The following DCC variants were observed in gnomAD, a reference collection of about 807,000 sequenced individuals.
DCC encodes netrin receptor DCC.
Under a neutral mutation model 172.5 loss-of-function variants are expected in DCC, and 58 were observed. The ratio of observed to expected loss-of-function variants is 0.34; its 90% CI spans 0.27 to 0.42. The LOEUF is 0.42. Among genes scored for constraint, DCC ranks in the 10% least tolerant of loss-of-function variants. The pLI, the probability that DCC is intolerant of heterozygous loss-of-function variation, is 1.00. For synonymous variants in DCC, 709 were observed against 644.5 expected (o/e 1.10, Z -1.52); for missense variants, 1,740 against 1,791.0 (o/e 0.97, Z 0.51).
At chr18:52,584,250 C>G (rs560232276) in intron 1 of DCC, among the ~76,000 whole-genome samples, 1 of 152,314 alleles carries the variant, frequency 6.6e-6, no homozygotes, top group East Asian at 1.9e-4. Flanking sequence ...TCTAGCCCAG[C>G]ACTTTGGTCT....
chr18:53,416,287 T>C (rs1743464966), intron 21 of DCC, 131 bp downstream of exon 21: 1 of 735,702 alleles, frequency 1.4e-6, no homozygotes, highest in Non-Finnish European at 2.5e-6. Context: ...GCGTGACGAT[T>C]AATCTTGTTA....
chr18:53,139,282 A>G (rs747493372), intron 7 of DCC, among the ~76,000 whole-genome samples: 1 of 152,196 alleles, frequency 6.6e-6, no homozygotes, highest in African/African-American at 2.4e-5. Flanking sequence ...AGAATGTGCT[A>G]TTTATAATTA....
chr18:53,489,518 A>G (rs2045937742), intron 26 of DCC, among the ~76,000 whole-genome samples: 1 of 152,192 alleles, frequency 6.6e-6, no homozygotes, highest in African/African-American at 2.4e-5. Context: ...CATTTCATGA[A>G]TCTGGGTGGA....
intron 12 of DCC, among the ~76,000 whole-genome samples, chr18:53,263,557 G>A (rs914115584): frequency 6.6e-6 from 1 of 152,132 alleles, no homozygotes; most frequent in Non-Finnish European, 1.5e-5. Flanking sequence ...ATGAACAGAA[G>A]TAGTTATTAT....
intron 1 of DCC, among the ~76,000 whole-genome samples, chr18:52,729,810 C>CT (rs1195149061): frequency 6.6e-6 from 1 of 151,504 alleles, no homozygotes; most frequent in African/African-American, 2.4e-5. Flanking sequence ...AGAGGCAAAT[C>CT]TAAGGGTAGA....
chr18:52,526,661 C>T (rs2031990024), intron 1 of DCC, among the ~76,000 whole-genome samples: 1 of 152,020 alleles, frequency 6.6e-6, no homozygotes, highest in Admixed American at 6.6e-5. Flanking sequence ...TTTGTGTGAA[C>T]ATGTTTTGAA....
At chr18:52,366,808 T>A (rs1984881617) in intron 1 of DCC, among the ~76,000 whole-genome samples, 1 of 152,160 alleles carries the variant, frequency 6.6e-6, no homozygotes, top group Admixed American at 6.5e-5. Context: ...ACTCTCCACC[T>A]CCCCACCAGA....
chr18:52,749,295 A>G (rs1186130716), intron 1 of DCC, among the ~76,000 whole-genome samples: 1 of 152,182 alleles, frequency 6.6e-6, no homozygotes, highest in Non-Finnish European at 1.5e-5. Flanking sequence ...TCCATTCAGA[A>G]CCAGCAGCCC....
At chr18:53,206,664 T>G (rs1395905381) in intron 10 of DCC, among the ~76,000 whole-genome samples, 1 of 145,788 alleles carries the variant, frequency 6.9e-6, no homozygotes, top group Admixed American at 6.9e-5. Flanking sequence ...GTATACATAT[T>G]TATAATGCAT....
intron 1 of DCC, among the ~76,000 whole-genome samples, chr18:52,439,174 TTGTGTGTGTG>T (rs60983168): frequency 1.0e-4 from 15 of 144,852 alleles, no homozygotes; most frequent in Non-Finnish European, 1.7e-4. Flanking sequence ...AAGATATGTT[TTGTGTGTGTG>T]TGTGTGTGTG....
Position 53,517,192 on chromosome 18 carries a change from G to A in DCC, c.4112-9425G>A, listed in dbSNP as rs369904880. On this transcript the variant is annotated intron_variant, in intron 27 of 28. Coordinates refer to ENST00000442544, the MANE Select transcript of DCC (RefSeq NM_005215.4). ...AAATCATCATTCTCAGTAAACTATC[G>A]CAAGAACAAAAAACCAAACACCGCA... is the stretch of plus-strand genomic sequence containing the variant. 7.3e-3 allele frequency among the ~76,000 whole-genome samples: 1,044 copies of A among 142,430 alleles called. 7 individuals are homozygous for A. The highest frequency in any genetic ancestry group is 0.022 in the Middle Eastern group (6 of 278). The allele number at this position is 142,430 out of a possible 152,430, so 93.4% of individuals were successfully genotyped here. A position where few individuals can be genotyped will look rare whatever the true frequency, so the allele number is the denominator to read the frequency against.
At position 52,542,053 on chromosome 18, in the gene DCC, G is replaced by T. The variant is rs147190121; in HGVS notation, c.91+201175G>T. The stretch of plus-strand genomic sequence containing the variant: ...AAATATATATATTTATAATACAGCT[G>T]TCCCTTTACATTTATGACACCATTA... On this transcript the variant is annotated intron_variant, in intron 1 of 28. Transcript: ENST00000442544. Among the ~76,000 whole-genome samples, 1,328 of 148,590 alleles carry T rather than the reference G, an allele frequency of 8.9e-3. 11 individuals carry two copies. Among genetic ancestry groups the T allele is most frequent in the Middle Eastern group, 0.014 (4 of 276 alleles).
chr18:53,137,374 G>A (rs374157268), intron 7 of DCC, among the ~76,000 whole-genome samples: 1 of 152,198 alleles, frequency 6.6e-6, no homozygotes, highest in East Asian at 1.9e-4. Context: ...GATACCTGAT[G>A]ACTATCCTCA....
intron 12 of DCC, among the ~76,000 whole-genome samples, chr18:53,270,183 A>T (rs941650990): frequency 2.6e-5 from 4 of 152,182 alleles, no homozygotes; most frequent in African/African-American, 9.6e-5. Flanking sequence ...TCCATATTTT[A>T]AGACAGATGC....
intron 1 of DCC, among the ~76,000 whole-genome samples, chr18:52,743,258 C>G (rs2145117726): frequency 6.6e-6 from 1 of 152,254 alleles, no homozygotes; most frequent in South Asian, 2.1e-4. Flanking sequence ...TTATAAAATG[C>G]CATCCCTCTC....
At chr18:52,473,182 A>G (rs1988995429) in intron 1 of DCC, among the ~76,000 whole-genome samples, 1 of 152,206 alleles carries the variant, frequency 6.6e-6, no homozygotes, top group Admixed American at 6.5e-5. Context: ...ACTAGGAGTC[A>G]AAACAGGCAG....
At chr18:53,524,149 AAACAT>A (rs1444211122) in intron 27 of DCC, among the ~76,000 whole-genome samples, 3 of 152,080 alleles carry the variant, frequency 2.0e-5, no homozygotes, top group African/African-American at 7.2e-5. Context: ...TCTCAACACA[AAACAT>A]AAGTATGTGA....
chr18:52,391,024 G>T (rs1023711843), intron 1 of DCC, among the ~76,000 whole-genome samples: 5 of 151,638 alleles, frequency 3.3e-5, no homozygotes, highest in Non-Finnish European at 7.4e-5. Flanking sequence ...TTTTTTTTGT[G>T]TGTGTATGTG....
intron 12 of DCC, among the ~76,000 whole-genome samples, chr18:53,263,240 C>G: frequency 6.6e-6 from 1 of 152,172 alleles, no homozygotes. Flanking sequence ...CAGCCTCCGC[C>G]TCTGGGGTTC....
Sources: gnomAD v4.1 joint callset for allele counts (sites outside exome capture counted in the v4.1 genomes callset) on GRCh38, gnomAD v4.1.1 for gene constraint, MANE v1.5 for transcripts, NCBI Gene and HGNC (gene_info 2026-07-23, HGNC 2026-07-21) for gene names.